TNNI3K: variants seen among roughly 807,000 people sequenced by gnomAD.
TNNI3K encodes the protein TNNI3 interacting kinase.
In TNNI3K, 140 loss-of-function variants were observed where a neutral mutation model predicts 114.5. The observed-to-expected ratio is 1.22, with a 90% confidence interval of 1.07 to 1.41. The LOEUF (loss-of-function observed/expected upper bound fraction) is 1.41. TNNI3K is among the 40% of genes most tolerant of loss of function. TNNI3K has a pLI of 0.00. For synonymous variants in TNNI3K, 347 were observed against 347.5 expected (o/e 1.00, Z 0.02); for missense variants, 1,125 against 1,007.6 (o/e 1.12, Z -1.58).
chr1:74,372,611 A>G (rs1397438487), intron 17 of TNNI3K: 1 of 151,936 alleles, frequency 6.6e-6, no homozygotes, highest in Admixed American at 6.6e-5. Context: ...ATAAATTAGC[A>G]TAATATAAAC....
chr1:74,500,902 T>G (rs537457978), intron 23 of TNNI3K, among the ~76,000 whole-genome samples: 26 of 152,210 alleles, frequency 1.7e-4, no homozygotes, highest in African/African-American at 6.3e-4. Context: ...AAGTCTTCTT[T>G]ATCTTTGGTA....
chr1:74,403,565 A>T (rs923337915), intron 17 of TNNI3K, among the ~76,000 whole-genome samples: 1 of 152,172 alleles, frequency 6.6e-6, no homozygotes, highest in African/African-American at 2.4e-5. Context: ...TCAAACCCAT[A>T]ACAAGTAATC....
At chr1:74,260,550 G>A (rs1655601117) in intron 4 of TNNI3K, among the ~76,000 whole-genome samples, 1 of 152,110 alleles carries the variant, frequency 6.6e-6, no homozygotes, top group African/African-American at 2.4e-5. Context: ...GTAGTTTAGA[G>A]TTTTAAGGAA....
At chr1:74,269,554 A>C (rs1656220751) in intron 4 of TNNI3K, among the ~76,000 whole-genome samples, 1 of 151,734 alleles carries the variant, frequency 6.6e-6, no homozygotes, top group Admixed American at 6.6e-5. Context: ...GATGCTAGAA[A>C]TAAGAAGAAA....
chr1:74,387,662 C>G (rs2100561281), intron 17 of TNNI3K, among the ~76,000 whole-genome samples: 1 of 152,282 alleles, frequency 6.6e-6, no homozygotes, highest in East Asian at 1.9e-4. Context: ...AAAAGAGAAC[C>G]TGTAACCAAA....
intron 23 of TNNI3K, among the ~76,000 whole-genome samples, chr1:74,506,689 A>G (rs1057036028): frequency 3.3e-5 from 5 of 152,224 alleles, no homozygotes; most frequent in Non-Finnish European, 7.3e-5. Flanking sequence ...CATTTTAACA[A>G]GATTTTAACA....
chr1:74,528,733 T>C (rs965542419), intron 23 of TNNI3K, among the ~76,000 whole-genome samples: 14 of 152,196 alleles, frequency 9.2e-5, no homozygotes, highest in African/African-American at 3.4e-4. Context: ...TGTATGCTCA[T>C]GCATATGCTC....
chr1:74,405,402 A>C (rs1664567043), intron 17 of TNNI3K, among the ~76,000 whole-genome samples: 1 of 152,212 alleles, frequency 6.6e-6, no homozygotes, highest in Non-Finnish European at 1.5e-5. Flanking sequence ...TAAGCAGGTA[A>C]ATAATATGAC....
At chr1:74,513,884 G>A (rs998394444) in intron 23 of TNNI3K, among the ~76,000 whole-genome samples, 7 of 152,142 alleles carry the variant, frequency 4.6e-5, no homozygotes, top group African/African-American at 1.2e-4. Context: ...AGCCACAACC[G>A]CATCTGCAAA....
chr1:74,507,462 A>G (rs1186944452), intron 23 of TNNI3K, among the ~76,000 whole-genome samples: 1 of 152,200 alleles, frequency 6.6e-6, no homozygotes, highest in African/African-American at 2.4e-5. Context: ...TTACACACAG[A>G]GTAAGCTTCT....
chr1:74,339,094 A>T (rs189813353), intron 7 of TNNI3K, among the ~76,000 whole-genome samples: 1 of 152,264 alleles, frequency 6.6e-6, no homozygotes. Flanking sequence ...TCCAGAGCTC[A>T]GTAGTGTCAA....
chr1:74,464,397 T>C (rs45513693), intron 21 of TNNI3K, among the ~76,000 whole-genome samples: 2,091 of 152,330 alleles, frequency 0.014, 40 homozygotes, highest in African/African-American at 0.048. Flanking sequence ...TTCTTCACAA[T>C]GGAGGACCTC....
intron 5 of TNNI3K, among the ~76,000 whole-genome samples, chr1:74,288,850 T>C (rs1294412802): frequency 3.3e-5 from 5 of 152,038 alleles, no homozygotes; most frequent in Admixed American, 3.3e-4. Context: ...AATGTATATA[T>C]AAATCAGTCA....
intron 5 of TNNI3K, among the ~76,000 whole-genome samples, chr1:74,324,692 G>A (rs1234391693): frequency 6.6e-6 from 1 of 152,148 alleles, no homozygotes; most frequent in Non-Finnish European, 1.5e-5. Context: ...CAGCACGTGG[G>A]GAGCAAGAGA....
intron 20 of TNNI3K, among the ~76,000 whole-genome samples, chr1:74,458,284 T>C (rs1463870028): frequency 2.0e-5 from 3 of 152,200 alleles, no homozygotes; most frequent in African/African-American, 7.2e-5. Context: ...TTGCCACGAT[T>C]ATACTCTGTC....
rs1362341526 is a variant in TNNI3K, at chr1:74,489,220, A to G, written c.2153A>G (p.Lys718Arg). The change falls in exon 22 of 25, where the codon AAG (lysine) becomes AGG (arginine). Residue 718 changes from lysine (K) to arginine (R), a missense_variant. By Grantham distance (26) the Lys-to-Arg change is conservative. Transcript: ENST00000326637. ...CCCGAATTTTCTGAAGTTGTCATGAAGTTAGAAGAGTGTCTCTGCAACATT... is the reference window on the plus strand; with the variant it reads ...CCCGAATTTTCTGAAGTTGTCATGAGGTTAGAAGAGTGTCTCTGCAACATT... ...GRPEFSEVVM[K>R]LEECLCNIEL... 2.5e-6 allele frequency: 4 copies of G among 1,612,308 alleles called. No homozygotes were observed. In the South Asian group the frequency reaches 4.4e-5, roughly 18 times the overall value.
chr1:74,447,525 G>A (rs1267232369), intron 20 of TNNI3K, among the ~76,000 whole-genome samples: 3 of 122,278 alleles, frequency 2.5e-5, no homozygotes, highest in Non-Finnish European at 4.9e-5. Flanking sequence ...ATCATCACTG[G>A]CCATCAGAGA....
At chr1:74,394,905 A>G (rs1399134687) in intron 17 of TNNI3K, among the ~76,000 whole-genome samples, 2 of 151,984 alleles carry the variant, frequency 1.3e-5, no homozygotes, top group Non-Finnish European at 2.9e-5. Context: ...TTAGCCAGGC[A>G]TGGTGGCGGG....
At chr1:74,496,142 A>G (rs998056699) in intron 23 of TNNI3K, among the ~76,000 whole-genome samples, 16 of 152,188 alleles carry the variant, frequency 1.1e-4, no homozygotes, top group Non-Finnish European at 1.5e-5. Flanking sequence ...TCCCCAGGTG[A>G]TTCCAATATA....
Sources: allele counts gnomAD v4.1 joint callset (sites outside exome capture counted in the v4.1 genomes callset), GRCh38; gene constraint gnomAD v4.1.1; transcripts MANE v1.5; gene names NCBI Gene and HGNC (gene_info 2026-07-23, HGNC 2026-07-21).